WDR7: variants seen among roughly 807,000 people sequenced by gnomAD.
WDR7 encodes the protein WD repeat-containing protein 7.
A neutral mutation model predicts 169.4 loss-of-function variants in WDR7; 46 were observed. The observed-to-expected ratio is 0.27, with a 90% CI of 0.21 to 0.35. WDR7 has a LOEUF of 0.35. Ranked by LOEUF, WDR7 falls within the 10% of genes least tolerant of loss-of-function variation. The pLI is 1.00. For synonymous variants in WDR7, 612 were observed against 666.8 expected (o/e 0.92, Z 1.27); for missense variants, 1,534 against 1,859.3 (o/e 0.83, Z 3.22).
At chr18:56,794,192 G>C (rs2044540060) in intron 19 of WDR7, among the ~76,000 whole-genome samples, 1 of 151,258 alleles carries the variant, frequency 6.6e-6, no homozygotes, top group African/African-American at 2.4e-5. Flanking sequence ...TGACTCCTGG[G>C]TAATCTTATT....
At chr18:56,808,311 A>G (rs1424218168) in intron 19 of WDR7, among the ~76,000 whole-genome samples, 1 of 152,196 alleles carries the variant, frequency 6.6e-6, no homozygotes, top group African/African-American at 2.4e-5. Flanking sequence ...ATATCAAATT[A>G]TTGCCTCCAG....
At chr18:56,985,990 A>G (rs1341619632) in intron 26 of WDR7, among the ~76,000 whole-genome samples, 1 of 152,212 alleles carries the variant, frequency 6.6e-6, no homozygotes, top group Admixed American at 6.5e-5. Flanking sequence ...AAGATAGGTC[A>G]CAAATTAGGT....
At chr18:56,890,383 G>A (rs911306475) in intron 21 of WDR7, among the ~76,000 whole-genome samples, 2 of 152,012 alleles carry the variant, frequency 1.3e-5, no homozygotes, top group Admixed American at 6.6e-5. Flanking sequence ...TAATGAATAG[G>A]TTAATATAGG....
At chr18:56,747,167 G>A (rs1425700471) in intron 14 of WDR7, among the ~76,000 whole-genome samples, 1 of 152,164 alleles carries the variant, frequency 6.6e-6, no homozygotes, top group Admixed American at 6.5e-5. Context: ...AGAGTCCCCT[G>A]ATAGCTAGAA....
chr18:56,991,659 A>G (rs1029246591), intron 26 of WDR7, among the ~76,000 whole-genome samples: 2 of 152,246 alleles, frequency 1.3e-5, no homozygotes, highest in Non-Finnish European at 2.9e-5. Context: ...GTGAGTGATT[A>G]TAGAGTAAGA....
intron 19 of WDR7, among the ~76,000 whole-genome samples, chr18:56,783,328 C>T (rs1033917004): frequency 6.6e-6 from 1 of 151,930 alleles, no homozygotes; most frequent in African/African-American, 2.4e-5. Context: ...AGAAGGTAGT[C>T]CGGAAAAAGT....
At chr18:56,719,539 G>A (rs1415945300) in intron 13 of WDR7, among the ~76,000 whole-genome samples, 5 of 135,022 alleles carry the variant, frequency 3.7e-5, no homozygotes, top group Non-Finnish European at 7.6e-5. Flanking sequence ...TCCAGCCTGG[G>A]AGACACAGCG....
chr18:56,937,781 CT>C (rs936407279), intron 23 of WDR7, among the ~76,000 whole-genome samples: 11 of 152,238 alleles, frequency 7.2e-5, no homozygotes, highest in African/African-American at 2.6e-4. Flanking sequence ...ACTGATCCCC[CT>C]AGCAGTCAAA....
At chr18:56,718,576 A>G (rs1175914901) in intron 13 of WDR7, among the ~76,000 whole-genome samples, 2 of 152,208 alleles carry the variant, frequency 1.3e-5, no homozygotes, top group African/African-American at 2.4e-5. Context: ...GAAGTTTTCA[A>G]GTTCTAGAGA....
rs373942780 is a variant in WDR7, at chr18:57,027,226, T to G, written c.*19T>G. 1.6e-5 allele frequency: 25 copies of G among 1,597,650 alleles called. No individual in the cohort carries two copies. In the Middle Eastern group the frequency reaches 8.2e-4, roughly 53 times the overall value. ...GGTCTAATGCTGCTGCCTGCCGCCG[T>G]GACTGCGTTTTAGTTCTCTAAATTA... On this transcript the variant is annotated 3_prime_UTR_variant, in exon 28 of 28. Transcript: ENST00000254442.
chr18:56,795,997 C>A (rs773861469), intron 19 of WDR7, among the ~76,000 whole-genome samples: 2 of 152,118 alleles, frequency 1.3e-5, no homozygotes, highest in African/African-American at 4.8e-5. Flanking sequence ...TTAGATAACA[C>A]GATGACATTA....
intron 22 of WDR7, among the ~76,000 whole-genome samples, chr18:56,932,874 G>GGTGGGTGTGTGTGTGTGT (rs1555713475): frequency 7.6e-6 from 1 of 131,922 alleles, no homozygotes; most frequent in African/African-American, 3.9e-5. Flanking sequence ...CTTCATTCTG[G>GGTGGGTGTGTGTGTGTGT]GTGTGTGTGT....
chr18:56,884,950 C>T (rs988256856), intron 21 of WDR7, among the ~76,000 whole-genome samples: 7 of 152,196 alleles, frequency 4.6e-5, no homozygotes, highest in South Asian at 2.1e-4. Context: ...GACCTGAAGA[C>T]GGTTCACATC....
chr18:56,949,981 G>T (rs945284993), intron 25 of WDR7, among the ~76,000 whole-genome samples: 9 of 152,106 alleles, frequency 5.9e-5, no homozygotes, highest in African/African-American at 2.2e-4. Flanking sequence ...AATAAATCTT[G>T]TCAGTTGTTT....
chr18:56,708,810 G>A (rs1284053771), intron 12 of WDR7, among the ~76,000 whole-genome samples: 7 of 151,858 alleles, frequency 4.6e-5, no homozygotes, highest in Non-Finnish European at 8.8e-5. Flanking sequence ...GGTGGCATGT[G>A]CCTGTAATCC....
intron 26 of WDR7, among the ~76,000 whole-genome samples, chr18:57,006,581 C>T (rs1017425783): frequency 3.3e-5 from 5 of 152,124 alleles, no homozygotes; most frequent in African/African-American, 9.7e-5. Flanking sequence ...ACTTTAAGAA[C>T]ATTAAATAGA....
chr18:56,995,964 A>C (rs1467405159), intron 26 of WDR7, among the ~76,000 whole-genome samples: 1 of 152,178 alleles, frequency 6.6e-6, no homozygotes, highest in Admixed American at 6.5e-5. Context: ...GAATTAATGC[A>C]CATTTGGTAC....
intron 26 of WDR7, among the ~76,000 whole-genome samples, chr18:56,990,213 C>T (rs145903752): frequency 6.6e-6 from 1 of 152,158 alleles, no homozygotes; most frequent in East Asian, 1.9e-4. Context: ...AACTGCATTG[C>T]CATTCATGGC....
chr18:56,943,929 GT>G (rs1359989238), intron 25 of WDR7, among the ~76,000 whole-genome samples: 1 of 132,934 alleles, frequency 7.5e-6, no homozygotes, highest in African/African-American at 2.7e-5. Context: ...TTGTTATTTA[GT>G]TTTTTTCACC....
Sources: allele counts gnomAD v4.1 joint callset (sites outside exome capture counted in the v4.1 genomes callset), GRCh38; gene constraint gnomAD v4.1.1; transcripts MANE v1.5; gene names NCBI Gene and HGNC (gene_info 2026-07-23, HGNC 2026-07-21).